Variants in HOXD10 observed in about 807,000 individuals in gnomAD.
HOXD10 encodes homeobox D10, also known as homeobox protein Hox-D10.
Under a neutral mutation model 27.0 loss-of-function variants are expected in HOXD10, and 15 were observed. The ratio of observed to expected loss-of-function variants is 0.56; its 90% CI spans 0.37 to 0.85. The LOEUF is 0.85. Ranked by LOEUF, HOXD10 falls within the 40% of genes least tolerant of loss-of-function variation. The pLI is 0.00. For missense variants in HOXD10, 440 were observed against 430.4 expected (o/e 1.02, Z -0.20); for synonymous variants, 178 against 160.9 (o/e 1.11, Z -0.80).
At position 176,119,121 on chromosome 2, in the gene HOXD10, C is replaced by G; in HGVS notation, c.913C>G (p.Leu305Val). 1 of 1,614,004 alleles carries G rather than the reference C, an allele frequency of 6.2e-7. No individual in the cohort carries two copies. The highest frequency in any genetic ancestry group is 8.5e-7 in the Non-Finnish European group (1 of 1,179,990). Residue 305 changes from leucine to valine, a missense_variant, in exon 2 of 2, where the codon CTC becomes GTC. Leu to Val is a conservative substitution (Grantham distance 32). Coordinates refer to ENST00000249501, the MANE Select transcript of HOXD10 (RefSeq NM_002148.4). Reference sequence around the variant, plus strand: ...CCTAGAGATCAGTAAGAGCGTTAACCTCACCGACAGGCAGGTCAAGATTTG... The same window carrying G: ...CCTAGAGATCAGTAAGAGCGTTAACGTCACCGACAGGCAGGTCAAGATTTG... ...RRLEISKSVN[L>V]TDRQVKIWFQ...
rs755280493 is a variant in HOXD10 at position 176,116,902 on chromosome 2, G to C, written c.69G>C (p.Arg23Ser). ...TAGATTCCTTGATCAGTGCCTGCAG[G>C]AGTGACAGTTTTTATTCCAGCAGCG... ...FLVDSLISAC[R>S]SDSFYSSSAS... The change falls in exon 1 of 2, where the codon AGG becomes AGC. Residue 23 changes from arginine (R) to serine (S), a missense_variant. Physicochemically the swap from Arg to Ser is moderately radical, Grantham distance 110 (BLOSUM62 -1). Coordinates refer to ENST00000249501, the MANE Select transcript of HOXD10 (RefSeq NM_002148.4). 6.2e-7 allele frequency: 1 copy of C among 1,614,108 alleles called. No individual in the cohort carries two copies. The highest frequency in any genetic ancestry group is 8.5e-7 in the Non-Finnish European group (1 of 1,179,972).
chr2:176,117,057 T>A lies in HOXD10; in HGVS notation c.224T>A (p.Ile75Lys). 2.5e-6 allele frequency: 4 copies of A among 1,614,210 alleles called. No individual in the cohort carries two copies. The South Asian group carries it at 4.4e-5, about 18-fold the overall frequency. ...QNMGMNVHPY[I>K]PQVDSWTDPN... ...ATGGGTATGAATGTGCATCCTTATA[T>A]ACCTCAAGTAGACAGTTGGACAGAT... The change falls in exon 1 of 2, where the codon ATA becomes AAA. Residue 75 changes from isoleucine (I) to lysine (K), a missense_variant. Coordinates refer to ENST00000249501, the MANE Select transcript of HOXD10 (RefSeq NM_002148.4).
chr2:176,117,201 T>G lies in HOXD10; in HGVS notation c.368T>G (p.Leu123Arg). ...ATGTATTCTGATAAGCGCAACAAAC[T>G]CATTTCGGCCGAGGTCCCTTCGTAC... ...CCMYSDKRNK[L>R]ISAEVPSYQR... Residue 123 changes from leucine to arginine, a missense_variant, in exon 1 of 2, where the codon CTC becomes CGC. Transcript: ENST00000249501. The G allele has an allele frequency of 6.2e-7, 1 of 1,613,202 alleles. No individual in the cohort carries two copies. Among genetic ancestry groups the G allele is most frequent in the Non-Finnish European group, 8.5e-7 (1 of 1,179,178 alleles).
At chr2:176,118,317 G>A (rs1340772381) in intron 1 of HOXD10, among the ~76,000 whole-genome samples, 1 of 152,234 alleles carries the variant, frequency 6.6e-6, no homozygotes, top group Admixed American at 6.5e-5. Flanking sequence ...CTCCCTTTCT[G>A]GGGGAATGCT....
chr2:176,117,638 G>A, intron 1 of HOXD10, 60 bp downstream of exon 1: 1 of 1,584,256 alleles, frequency 6.3e-7, no homozygotes, highest in Non-Finnish European at 8.6e-7. Flanking sequence ...CCGGCAGAGA[G>A]GGAGTGCCGG....
Position 176,119,249 on chromosome 2 carries a change from G to A in HOXD10, c.*18G>A. 1 of 1,611,536 alleles carries A rather than the reference G, an allele frequency of 6.2e-7. No individual in the cohort carries two copies. The highest frequency in any genetic ancestry group is 1.3e-5 in the African/African-American group (1 of 74,882). On this transcript the variant is annotated 3_prime_UTR_variant, in exon 2 of 2. Coordinates refer to ENST00000249501, the MANE Select transcript of HOXD10 (RefSeq NM_002148.4). ...TTTCTTAGGTCTGAGGCCGGTCTGA[G>A]GCCGGTCAGAGGCCAGGATTGGAGA... is the stretch of plus-strand genomic sequence containing the variant.
chr2:176,118,895 A>C (rs1689812856), intron 1 of HOXD10, 59 bp from the exon 2 acceptor site: 2 of 1,453,716 alleles, frequency 1.4e-6, no homozygotes, highest in East Asian at 2.3e-5. Context: ...AACAAAAACA[A>C]AAACAAACAA....
At position 176,117,093 on chromosome 2, in the gene HOXD10, C is replaced by T. The variant is rs1339086710; in HGVS notation, c.260C>T (p.Ser87Phe). ...GACAGTTGGACAGATCCGAACAGATCTTGTCGAATAGAGCAACCTGTTACA... is the reference window on the plus strand; with the variant it reads ...GACAGTTGGACAGATCCGAACAGATTTTGTCGAATAGAGCAACCTGTTACA... ...QVDSWTDPNRSCRIEQPVTQQ... is the reference protein window; with the variant it reads ...QVDSWTDPNRFCRIEQPVTQQ... Residue 87 changes from serine to phenylalanine, a missense_variant, in exon 1 of 2, where the codon TCT becomes TTT. By Grantham distance (155) the Ser-to-Phe change is radical. Transcript: ENST00000249501. 6.2e-7 allele frequency: 1 copy of T among 1,614,208 alleles called. No homozygotes were observed. Among genetic ancestry groups the T allele is most frequent in the South Asian group, 1.1e-5 (1 of 91,084 alleles).
At position 176,119,231 on chromosome 2, in the gene HOXD10, G is replaced by C; in HGVS notation, c.1023G>C (p.Ter341TyrextTer2). Residue 341 changes from the stop codon to tyrosine (Y), a stop_lost, in exon 2 of 2, where the codon TAG becomes TAC. Coordinates refer to ENST00000249501, the MANE Select transcript of HOXD10 (RefSeq NM_002148.4). ...TGACCGCCAACCTCACGTTTTCTTAGGTCTGAGGCCGGTCTGAGGCCGGTC... is the reference window on the plus strand; with the variant it reads ...TGACCGCCAACCTCACGTTTTCTTACGTCTGAGGCCGGTCTGAGGCCGGTC... ...RELTANLTFS[*>Y] 6.2e-7 allele frequency: 1 copy of C among 1,612,606 alleles called. No homozygotes were observed. The highest frequency in any genetic ancestry group is 8.5e-7 in the Non-Finnish European group (1 of 1,179,712).
Position 176,119,272 on chromosome 2 carries a change from A to G in HOXD10, c.*41A>G. ...GAGGCCGGTCAGAGGCCAGGATTGG[A>G]GAGGGGGCACCGCGTTCCAGGGCCC... On this transcript the variant is annotated 3_prime_UTR_variant, in exon 2 of 2. Transcript: ENST00000249501. 6.2e-7 allele frequency: 1 copy of G among 1,604,272 alleles called. No individual in the cohort carries two copies. The highest frequency in any genetic ancestry group is 2.2e-4 in the Middle Eastern group (1 of 4,638).
In HOXD10 at chr2:176,119,635, G is replaced by T. The variant is rs540598489; in HGVS notation, c.*404G>T. Reference sequence around the variant, plus strand: ...CCTAACACAAAAGGTCTATGTGTGTGGTTAGTCCATGAACTCATGGCATTT... The same window carrying T: ...CCTAACACAAAAGGTCTATGTGTGTTGTTAGTCCATGAACTCATGGCATTT... On this transcript the variant is annotated 3_prime_UTR_variant, in exon 2 of 2. Transcript: ENST00000249501. 6.6e-6 allele frequency: 1 copy of T among 152,072 alleles called. No individual in the cohort carries two copies. The highest frequency in any genetic ancestry group is 2.4e-5 in the African/African-American group (1 of 41,074). 9.4% of individuals were successfully genotyped at this position (152,072 alleles called of 1,614,324 possible).
Position 176,119,157 on chromosome 2 carries a change from C to A in HOXD10, c.949C>A (p.Arg317Ser), listed in dbSNP as rs752807586. The A allele has an allele frequency of 1.2e-6, 2 of 1,613,732 alleles. No individual in the cohort carries two copies. The highest frequency in any genetic ancestry group is 1.7e-6 in the Non-Finnish European group (2 of 1,179,984). Residue 317 changes from arginine to serine, a missense_variant, in exon 2 of 2, where the codon CGC becomes AGC. By Grantham distance (110) the Arg-to-Ser change is moderately radical (BLOSUM62 -1). Transcript: ENST00000249501. ...GCAGGTCAAGATTTGGTTTCAAAAC[C>A]GCCGAATGAAACTCAAGAAGATGAG... The part of the protein sequence containing the change: ...DRQVKIWFQN[R>S]RMKLKKMSRE...
At chr2:176,117,969 G>A (rs960895813) in intron 1 of HOXD10, among the ~76,000 whole-genome samples, 3 of 152,228 alleles carry the variant, frequency 2.0e-5, no homozygotes, top group Non-Finnish European at 4.4e-5. Context: ...GTGATCCAGG[G>A]CACCGTGTTC....
chr2:176,119,518 T>C lies in HOXD10; in HGVS notation c.*287T>C, dbSNP rs1384942987. On this transcript the variant is annotated 3_prime_UTR_variant, in exon 2 of 2. Transcript: ENST00000249501. Reference sequence around the variant, plus strand: ...TTTTCATCGTAATGCAGGGTAACTATTATTGCGCATTTTCATTTGGGTCTT... The same window carrying C: ...TTTTCATCGTAATGCAGGGTAACTACTATTGCGCATTTTCATTTGGGTCTT... 6.6e-6 allele frequency: 1 copy of C among 151,446 alleles called. No homozygotes were observed. The highest frequency in any genetic ancestry group is 1.5e-5 in the Non-Finnish European group (1 of 68,298). 9.4% of individuals were successfully genotyped at this position (151,446 alleles called of 1,614,324 possible).
chr2:176,117,070 C>T lies in HOXD10; in HGVS notation c.237C>T (p.Asp79=), dbSNP rs768269479. The T allele has an allele frequency of 2.5e-6, 4 of 1,614,076 alleles. No homozygotes were observed. In the African/African-American group the frequency reaches 4.0e-5, roughly 16 times the overall value. Residue 79 remains aspartate (D), a synonymous_variant, in exon 1 of 2, where the codon GAC becomes GAT. Coordinates refer to ENST00000249501, the MANE Select transcript of HOXD10 (RefSeq NM_002148.4). ...TGCATCCTTATATACCTCAAGTAGA[C>T]AGTTGGACAGATCCGAACAGATCTT... ...MNVHPYIPQV[D]SWTDPNRSCR...
In HOXD10 at chr2:176,119,215, A is replaced by G. The variant is rs530229667; in HGVS notation, c.1007A>G (p.Asn336Ser). 24 of 1,613,300 alleles carry G rather than the reference A, an allele frequency of 1.5e-5. No individual in the cohort carries two copies. The highest frequency in any genetic ancestry group is 1.2e-4 in the Admixed American group (7 of 59,958). Residue 336 changes from asparagine to serine, a missense_variant, in exon 2 of 2, where the codon AAC becomes AGC. By Grantham distance (46) the Asn-to-Ser change is conservative. Coordinates refer to ENST00000249501, the MANE Select transcript of HOXD10 (RefSeq NM_002148.4). ...AACCGGATCCGAGAACTGACCGCCA[A>G]CCTCACGTTTTCTTAGGTCTGAGGC... ...RENRIRELTA[N>S]LTFS
rs748784447 is a variant in HOXD10 at position 176,117,311 on chromosome 2, A to G, written c.478A>G (p.Thr160Ala). 6.2e-7 allele frequency: 1 copy of G among 1,613,472 alleles called. No individual in the cohort carries two copies. The highest frequency in any genetic ancestry group is 8.5e-7 in the Non-Finnish European group (1 of 1,179,476). ...GYFRLSQTYA[T>A]GKTQEYNNSP... ...TTTTAGACTGAGTCAGACCTACGCC[A>G]CCGGGAAAACCCAAGAGTACAATAA... Residue 160 changes from threonine (T) to alanine (A), a missense_variant, in exon 1 of 2, where the codon ACC becomes GCC. Physicochemically the swap from Thr to Ala is moderately conservative, Grantham distance 58 (BLOSUM62 0). Coordinates refer to ENST00000249501, the MANE Select transcript of HOXD10 (RefSeq NM_002148.4).
Position 176,116,932 on chromosome 2 carries a change from C to A in HOXD10, c.99C>A (p.Ser33Arg). 6.2e-7 allele frequency: 1 copy of A among 1,614,178 alleles called. No individual in the cohort carries two copies. Residue 33 changes from serine (S) to arginine (R), a missense_variant, in exon 1 of 2, where the codon AGC (serine) becomes AGA (arginine). Transcript: ENST00000249501. ...ACAGTTTTTATTCCAGCAGCGCCAG[C>A]ATGTACATGCCACCACCTAGCGCAG... is the stretch of plus-strand genomic sequence containing the variant. The part of the protein sequence containing the change: ...RSDSFYSSSA[S>R]MYMPPPSADM...
In HOXD10 at chr2:176,117,012, G is replaced by T. The variant is rs756352793; in HGVS notation, c.179G>T (p.Arg60Ile). The T allele has an allele frequency of 6.2e-7, 1 of 1,614,166 alleles. No homozygotes were observed. The highest frequency in any genetic ancestry group is 1.7e-5 in the Admixed American group (1 of 60,024). ...GGACTGCTCCCGTCTCTGGCCAAAA[G>T]AGAAGTGAACCACCAAAATATGGGT... ...TCGLLPSLAK[R>I]EVNHQNMGMN... The change falls in exon 1 of 2, where the codon AGA (arginine) becomes ATA (isoleucine). Residue 60 changes from arginine (R) to isoleucine (I), a missense_variant. Arg to Ile is a moderately conservative substitution (Grantham distance 97). Transcript: ENST00000249501.
Sources: gnomAD v4.1 joint callset for allele counts (sites outside exome capture counted in the v4.1 genomes callset) on GRCh38, gnomAD v4.1.1 for gene constraint, MANE v1.5 for transcripts, NCBI Gene and HGNC (gene_info 2026-07-23, HGNC 2026-07-21) for gene names.